TMEM209: variants seen among roughly 807,000 people sequenced by gnomAD.
TMEM209 encodes testicular tissue protein Li 202.
Under a neutral mutation model 76.2 loss-of-function variants are expected in TMEM209, and 65 were observed. That is an observed-to-expected ratio of 0.85 (90% CI 0.70 to 1.05). The LOEUF (loss-of-function observed/expected upper bound fraction) is 1.05, where lower values mean the gene tolerates loss of function less well. TMEM209 is among the 50% of genes least tolerant of loss of function. The pLI is 0.00. For missense variants in TMEM209, 623 were observed against 685.5 expected (o/e 0.91, Z 1.02); for synonymous variants, 239 against 237.6 (o/e 1.01, Z -0.06).
At chr7:130,205,154 AG>A (rs961271253) in intron 1 of TMEM209, 2 of 1,459,372 alleles carry the variant, frequency 1.4e-6, no homozygotes, top group Admixed American at 2.5e-5. Flanking sequence ...CGCGCCACTC[AG>A]CCCCCGCGTC....
At chr7:130,191,443 A>C (rs1797792418) in intron 6 of TMEM209, among the ~76,000 whole-genome samples, 1 of 152,172 alleles carries the variant, frequency 6.6e-6, no homozygotes. Context: ...GAATACCATC[A>C]AGAAGTGTGA....
chr7:130,194,997 T>C (rs1797923540), intron 5 of TMEM209, among the ~76,000 whole-genome samples: 1 of 152,148 alleles, frequency 6.6e-6, no homozygotes, highest in Non-Finnish European at 1.5e-5. Flanking sequence ...ATATACACTA[T>C]ATCTGGGCTA....
intron 6 of TMEM209, among the ~76,000 whole-genome samples, chr7:130,185,888 T>C (rs1310258584): frequency 6.6e-6 from 1 of 152,210 alleles, no homozygotes; most frequent in Non-Finnish European, 1.5e-5. Flanking sequence ...GACTATCTGA[T>C]GGTTATCCTT....
rs576315280 is a variant in TMEM209, at chr7:130,166,427, T to C, written c.*24A>G. 9.7e-5 allele frequency: 149 copies of C among 1,530,264 alleles called. No homozygotes were observed. In the African/African-American group the frequency reaches 1.8e-3, roughly 18 times the overall value. The allele number at this position is 1,530,264 out of a possible 1,614,324, so 94.8% of individuals were successfully genotyped here. ...TTCTGGTTCAGTGAAATAGTCTAAA[T>C]GTCAGAATTAAATATATGACTTGCT... On this transcript the variant is annotated 3_prime_UTR_variant, in exon 15 of 15. Coordinates refer to ENST00000397622, the MANE Select transcript of TMEM209 (RefSeq NM_032842.4).
Position 130,178,476 on chromosome 7 carries a change from A to G in TMEM209, c.1172T>C (p.Ile391Thr). The change falls in exon 10 of 15, where the codon ATT becomes ACT. Residue 391 changes from isoleucine (I) to threonine (T), a missense_variant. Physicochemically the swap from Ile to Thr is moderately conservative, Grantham distance 89. Coordinates refer to ENST00000397622, the MANE Select transcript of TMEM209 (RefSeq NM_032842.4). ...CTGAACGATTGTGTTCAAAGTCGGA[A>G]TGAGAGGCGCTTTAACCAGGGCAGC... ...KQAALVKAPLIPTLNTIVQYL... is the reference protein window; with the variant it reads ...KQAALVKAPLTPTLNTIVQYL... 1 of 1,613,870 alleles carries G rather than the reference A, an allele frequency of 6.2e-7. No homozygotes were observed. The highest frequency in any genetic ancestry group is 8.5e-7 in the Non-Finnish European group (1 of 1,179,828).
At chr7:130,169,241 C>T (rs1796978862) in intron 14 of TMEM209, among the ~76,000 whole-genome samples, 1 of 149,434 alleles carries the variant, frequency 6.7e-6, no homozygotes. Context: ...TTTGTTTACA[C>T]ATTTTTGTTC....
intron 9 of TMEM209, among the ~76,000 whole-genome samples, chr7:130,180,938 C>T (rs1797390331): frequency 6.6e-6 from 1 of 152,186 alleles, no homozygotes; most frequent in Non-Finnish European, 1.5e-5. Context: ...TACCATACAG[C>T]TCAACAATTC....
chr7:130,202,120 G>C, intron 4 of TMEM209, 29 bp from the exon 5 acceptor site: 1 of 1,564,428 alleles, frequency 6.4e-7, no homozygotes, highest in Non-Finnish European at 8.6e-7. Context: ...CAACATATGT[G>C]TATGTACCTT....
At position 130,181,582 on chromosome 7, in the gene TMEM209, T is replaced by A. The variant is rs1412675621; in HGVS notation, c.1120+41A>T. The A allele has an allele frequency of 1.9e-6, 3 of 1,546,010 alleles. No individual in the cohort carries two copies. In the African/African-American group the frequency reaches 4.1e-5, roughly 21 times the overall value. On this transcript the variant is annotated intron_variant, in intron 9 of 14. Transcript: ENST00000397622. The stretch of plus-strand genomic sequence containing the variant: ...ACAAGAAGTTTTCCACTTGGTAGAT[T>A]TACTAATAGAAATCCAACACTGGGC...
At chr7:130,204,962 C>G in intron 1 of TMEM209, 1 of 1,098,524 alleles carries the variant, frequency 9.1e-7, no homozygotes, top group Non-Finnish European at 1.1e-6. Context: ...TAGAAGGGCA[C>G]GTACTTATGA....
At chr7:130,176,536 T>C (rs1353617757) in intron 10 of TMEM209, among the ~76,000 whole-genome samples, 1 of 152,146 alleles carries the variant, frequency 6.6e-6, no homozygotes, top group Non-Finnish European at 1.5e-5. Flanking sequence ...CCCTGCTAAC[T>C]ACAAGGCAAT....
intron 7 of TMEM209, among the ~76,000 whole-genome samples, chr7:130,184,485 T>C (rs911448298): frequency 1.6e-5 from 2 of 123,850 alleles, no homozygotes; most frequent in Admixed American, 1.0e-4. Flanking sequence ...GTAAAGAACA[T>C]TTTTCTTGCT....
intron 14 of TMEM209, among the ~76,000 whole-genome samples, chr7:130,167,437 C>A (rs891037297): frequency 6.6e-6 from 1 of 152,054 alleles, no homozygotes; most frequent in Non-Finnish European, 1.5e-5. Flanking sequence ...TGAGTCTAAG[C>A]ATCTTTTTGT....
chr7:130,188,468 C>A (rs1206095620), intron 6 of TMEM209, among the ~76,000 whole-genome samples: 1 of 151,682 alleles, frequency 6.6e-6, no homozygotes, highest in Non-Finnish European at 1.5e-5. Context: ...TGGTGGCAGG[C>A]ACCTGTAGTC....
Position 130,189,380 on chromosome 7 carries a change from G to A in TMEM209, c.775+3242C>T, listed in dbSNP as rs567299690. On this transcript the variant is annotated intron_variant, in intron 6 of 14. Transcript: ENST00000397622. ...CTCGCTAATTTTTTAGTAGAGGTGG[G>A]GTTTCACCATGTTGGTCAGAAAATC... Among the ~76,000 whole-genome samples, 5 of 152,134 alleles carry A rather than the reference G, an allele frequency of 3.3e-5. No individual in the cohort carries two copies. The South Asian group carries it at 8.3e-4, about 25-fold the overall frequency.
At chr7:130,204,248 C>T (rs1018586031) in intron 1 of TMEM209, 138 bp from the exon 2 acceptor site, 1 of 1,040,688 alleles carries the variant, frequency 9.6e-7, no homozygotes, top group Non-Finnish European at 1.3e-6. Flanking sequence ...ATCAAAACTT[C>T]TTCCATTTTA....
At position 130,165,483 on chromosome 7, in the gene TMEM209, A is replaced by G. The variant is rs1315488409; in HGVS notation, c.*968T>C. ...ACTGAGCTGCTAAAACCAAAGTAGT[A>G]AACAGTTTTCCTGATGTCCTCACAC... On this transcript the variant is annotated 3_prime_UTR_variant, in exon 15 of 15. Transcript: ENST00000397622. 2 of 152,204 alleles carry G rather than the reference A, an allele frequency of 1.3e-5. No individual in the cohort carries two copies. The highest frequency in any genetic ancestry group is 2.9e-5 in the Non-Finnish European group (2 of 68,038). 9.4% of individuals were successfully genotyped at this position (152,204 alleles called of 1,614,324 possible). A position where few individuals can be genotyped will look rare whatever the true frequency, so the allele number is the denominator to read the frequency against.
intron 6 of TMEM209, among the ~76,000 whole-genome samples, chr7:130,190,524 A>G (rs1395712755): frequency 1.3e-5 from 2 of 152,130 alleles, no homozygotes; most frequent in Non-Finnish European, 2.9e-5. Context: ...ATCTCAAAAA[A>G]AGAAAAAAAA....
At chr7:130,183,669 A>G (rs1485830037) in intron 8 of TMEM209, among the ~76,000 whole-genome samples, 1 of 152,154 alleles carries the variant, frequency 6.6e-6, no homozygotes, top group Non-Finnish European at 1.5e-5. Flanking sequence ...AGGTGGGAGG[A>G]AGACGTGGAG....
Sources: allele counts gnomAD v4.1 joint callset (sites outside exome capture counted in the v4.1 genomes callset), GRCh38; gene constraint gnomAD v4.1.1; transcripts MANE v1.5; gene names NCBI Gene and HGNC (gene_info 2026-07-23, HGNC 2026-07-21).